Variants in NRIP1 observed in about 807,000 individuals in gnomAD.
The protein encoded by NRIP1 is nuclear receptor-interacting protein 1.
In NRIP1, 28 loss-of-function variants were observed where a neutral mutation model predicts 75.0. That is an observed-to-expected ratio of 0.37 (90% CI 0.28 to 0.51). The LOEUF is 0.51. Among genes scored for constraint, NRIP1 ranks in the 20% least tolerant of loss-of-function variants. The pLI is 0.92. For missense variants in NRIP1, 1,435 were observed against 1,343.7 expected, an observed-to-expected ratio of 1.07 and a Z score of -1.06; for synonymous variants, 526 against 487.6, an observed-to-expected ratio of 1.08 and a Z score of -1.04.
intron 1 of NRIP1, among the ~76,000 whole-genome samples, chr21:15,054,810 C>G (rs952750463): frequency 1.2e-4 from 18 of 152,156 alleles, no homozygotes; most frequent in Non-Finnish European, 2.9e-5. Context: ...TGAATAAGCT[C>G]CTATTCATGG....
At chr21:15,047,287 ATTCCAGCAC>A (rs200247006) in intron 1 of NRIP1, among the ~76,000 whole-genome samples, 24,306 of 152,010 alleles carry the variant, frequency 0.16, 2,346 homozygotes, top group East Asian at 0.31. Flanking sequence ...CACGCCTGTA[ATTCCAGCAC>A]TTTGGGAGGC....
intron 3 of NRIP1, chr21:14,992,689 C>T (rs1053914565): frequency 2.0e-5 from 3 of 152,016 alleles, no homozygotes; most frequent in African/African-American, 4.8e-5. Context: ...AAAGAATATT[C>T]TTTCAATATG....
chr21:15,063,480 T>C (rs1978514204), intron 1 of NRIP1, among the ~76,000 whole-genome samples: 1 of 152,214 alleles, frequency 6.6e-6, no homozygotes, highest in Non-Finnish European at 1.5e-5. Flanking sequence ...ACTAAACCTA[T>C]GATTCACTAA....
chr21:15,013,482 C>T (rs2088158125), intron 3 of NRIP1, among the ~76,000 whole-genome samples: 1 of 152,190 alleles, frequency 6.6e-6, no homozygotes, highest in Non-Finnish European at 1.5e-5. Flanking sequence ...TATCTGCTCT[C>T]TCTCTTTGAC....
Position 14,964,742 on chromosome 21 carries a change from G to A in NRIP1, c.3451C>T (p.Leu1151=). 6.4e-7 allele frequency: 1 copy of A among 1,559,310 alleles called. No individual in the cohort carries two copies. Among genetic ancestry groups the A allele is most frequent in the East Asian group, 2.2e-5 (1 of 44,614 alleles). Residue 1151 remains leucine (L), a synonymous_variant, in exon 4 of 4, where the codon CTA becomes TTA. Transcript: ENST00000318948. ...GEVYGLLGSV[L]TIKKESE ...TATTCTGATTCTTTCTTTATCGTTAGCACGCTTCCCAGAAGTCCATAAACT... is the reference window on the plus strand; with the variant it reads ...TATTCTGATTCTTTCTTTATCGTTAACACGCTTCCCAGAAGTCCATAAACT...
At chr21:15,049,913 T>G (rs1253535040) in intron 1 of NRIP1, among the ~76,000 whole-genome samples, 1 of 152,098 alleles carries the variant, frequency 6.6e-6, no homozygotes, top group Non-Finnish European at 1.5e-5. Flanking sequence ...GGACATATAT[T>G]TAATTAATAT....
chr21:15,010,135 G>A (rs376405009), intron 3 of NRIP1, among the ~76,000 whole-genome samples: 59 of 152,264 alleles, frequency 3.9e-4, no homozygotes, highest in African/African-American at 1.4e-3. Flanking sequence ...CCAGAATGAA[G>A]AAATTCTAGT....
chr21:15,034,902 A>G (rs2088797185), intron 2 of NRIP1, among the ~76,000 whole-genome samples: 1 of 152,228 alleles, frequency 6.6e-6, no homozygotes, highest in Non-Finnish European at 1.5e-5. Context: ...CTTTGTTTTG[A>G]AAAATACATT....
intron 3 of NRIP1, chr21:14,974,137 T>TCACTG (rs888600342): frequency 6.6e-5 from 10 of 152,252 alleles, no homozygotes; most frequent in Non-Finnish European, 1.3e-4. Flanking sequence ...CAAAACAACT[T>TCACTG]CACTGATTTT....
chr21:15,057,109 A>T (rs1173105166), intron 1 of NRIP1, among the ~76,000 whole-genome samples: 2 of 152,146 alleles, frequency 1.3e-5, no homozygotes, highest in Non-Finnish European at 2.9e-5. Flanking sequence ...CATTTCAGAG[A>T]GCAGTTTATC....
At chr21:14,996,291 G>A (rs1388813638) in intron 3 of NRIP1, among the ~76,000 whole-genome samples, 1 of 152,116 alleles carries the variant, frequency 6.6e-6, no homozygotes, top group African/African-American at 2.4e-5. Context: ...TGTGGCTTGT[G>A]GCTCGTAGCT....
At chr21:14,998,994 G>A (rs2087793116) in intron 3 of NRIP1, among the ~76,000 whole-genome samples, 1 of 152,128 alleles carries the variant, frequency 6.6e-6, no homozygotes, top group Non-Finnish European at 1.5e-5. Flanking sequence ...GTTTATTCCA[G>A]TGTGAACTCT....
At chr21:14,997,967 T>C (rs2147103331) in intron 3 of NRIP1, among the ~76,000 whole-genome samples, 1 of 152,244 alleles carries the variant, frequency 6.6e-6, no homozygotes, top group African/African-American at 2.4e-5. Context: ...AGGAAAGGGT[T>C]AGAAACACTT....
chr21:15,037,226 A>C (rs2088856549), intron 2 of NRIP1, among the ~76,000 whole-genome samples: 1 of 152,166 alleles, frequency 6.6e-6, no homozygotes, highest in Non-Finnish European at 1.5e-5. Flanking sequence ...GCAACCTGTA[A>C]ATTTCTAACA....
At chr21:14,973,410 T>C (rs896586690) in intron 3 of NRIP1, among the ~76,000 whole-genome samples, 1 of 152,120 alleles carries the variant, frequency 6.6e-6, no homozygotes, top group Non-Finnish European at 1.5e-5. Flanking sequence ...TTGGTAGATA[T>C]GACATGCAAA....
At chr21:15,043,390 A>G (rs1340279714) in intron 2 of NRIP1, 105 bp downstream of exon 2, 1 of 152,232 alleles carries the variant, frequency 6.6e-6, no homozygotes, top group East Asian at 1.9e-4. Flanking sequence ...CATATCTAAA[A>G]GTTAAAGAAA....
At chr21:15,058,627 A>G (rs1555818224) in intron 1 of NRIP1, among the ~76,000 whole-genome samples, 1 of 152,164 alleles carries the variant, frequency 6.6e-6, no homozygotes, top group Non-Finnish European at 1.5e-5. Flanking sequence ...CTAATTCTCA[A>G]ATTTTGATTG....
chr21:15,057,074 A>T (rs2089322793), intron 1 of NRIP1, among the ~76,000 whole-genome samples: 1 of 152,190 alleles, frequency 6.6e-6, no homozygotes, highest in Non-Finnish European at 1.5e-5. Context: ...TCCAATTCAC[A>T]AATACATTGT....
In NRIP1 at chr21:14,967,476, T is replaced by A. The variant is rs202001270; in HGVS notation, c.717A>T (p.Arg239Ser). The A allele has an allele frequency of 5.7e-4, 916 of 1,614,136 alleles. 4 individuals are homozygous for A. The highest frequency in any genetic ancestry group is 6.4e-4 in the Non-Finnish European group (755 of 1,180,012). Reference protein sequence around the residue: ...VMSEPLSCAARLQAVASMVEK... With the variant: ...VMSEPLSCAASLQAVASMVEK... Reference sequence around the variant, plus strand: ...CCACCATGCTTGCAACAGCCTGTAATCTTGCAGCACATGACAACGGTTCAC... The same window carrying A: ...CCACCATGCTTGCAACAGCCTGTAAACTTGCAGCACATGACAACGGTTCAC... The change falls in exon 4 of 4, where the codon AGA becomes AGT. Residue 239 changes from arginine (R) to serine (S), a missense_variant. Transcript: ENST00000318948.
Sources: gnomAD v4.1 joint callset for allele counts (sites outside exome capture counted in the v4.1 genomes callset) on GRCh38, gnomAD v4.1.1 for gene constraint, MANE v1.5 for transcripts, NCBI Gene and HGNC (gene_info 2026-07-23, HGNC 2026-07-21) for gene names.